The following SLC44A5 variants were observed in gnomAD, a reference collection of about 807,000 sequenced individuals.
The protein encoded by SLC44A5 is solute carrier family 44 member 5, also known as choline transporter-like protein 5.
A neutral mutation model predicts 101.8 loss-of-function variants in SLC44A5; 57 were observed. That is an observed-to-expected ratio of 0.56 (90% CI 0.45 to 0.70). The LOEUF (loss-of-function observed/expected upper bound fraction) is 0.70. Ranked by LOEUF, SLC44A5 falls within the 30% of genes least tolerant of loss-of-function variation. SLC44A5 has a pLI of 0.00. For synonymous variants in SLC44A5, 281 were observed against 290.9 expected (o/e 0.97, Z 0.35); for missense variants, 737 against 853.1 (o/e 0.86, Z 1.70).
chr1:75,225,005 T>C (rs1227863536), intron 13 of SLC44A5, among the ~76,000 whole-genome samples: 1 of 152,226 alleles, frequency 6.6e-6, no homozygotes, highest in Non-Finnish European at 1.5e-5. Flanking sequence ...GTAGCCTACA[T>C]GTACAGTGCT....
At chr1:75,291,604 G>A (rs528538419) in intron 5 of SLC44A5, among the ~76,000 whole-genome samples, 2 of 152,210 alleles carry the variant, frequency 1.3e-5, no homozygotes, top group African/African-American at 2.4e-5. Context: ...CCTCAAAAAC[G>A]AATAGAGGCC....
At chr1:75,618,122 C>A in the SLC44A5 span, among the ~76,000 whole-genome samples, 1 of 152,338 alleles carries the variant, frequency 6.6e-6, no homozygotes, top group South Asian at 2.1e-4. Flanking sequence ...TGCTTCAGAC[C>A]AGGAATGGTT....
chr1:75,215,658 C>A, intron 19 of SLC44A5, 96 bp downstream of exon 19: 1 of 682,450 alleles, frequency 1.5e-6, no homozygotes, highest in Non-Finnish European at 2.6e-6. Flanking sequence ...ATAAATTCAA[C>A]TGCATGAAGT....
At chr1:75,373,383 A>G (rs929491779) in intron 3 of SLC44A5, among the ~76,000 whole-genome samples, 12 of 152,048 alleles carry the variant, frequency 7.9e-5, no homozygotes, top group Admixed American at 7.2e-4. Context: ...CCACACCCCA[A>G]ATACAACCCT....
intron 3 of SLC44A5, among the ~76,000 whole-genome samples, chr1:75,344,766 T>C (rs895121264): frequency 1.3e-5 from 2 of 152,150 alleles, no homozygotes; most frequent in African/African-American, 2.4e-5. Context: ...CTCATTGAGA[T>C]GTATTTTGGA....
chr1:75,538,136 A>G (rs1167248311), intron 2 of SLC44A5: 2 of 152,358 alleles, frequency 1.3e-5, no homozygotes, highest in East Asian at 3.9e-4. Context: ...GAGACCAACC[A>G]CAGAAGTAGA....
chr1:75,252,964 G>A (rs957481145), intron 6 of SLC44A5, among the ~76,000 whole-genome samples: 1 of 152,104 alleles, frequency 6.6e-6, no homozygotes, highest in African/African-American at 2.4e-5. Flanking sequence ...ATTCAGTGAG[G>A]ACTCCCCCAG....
chr1:75,644,639 T>C, the SLC44A5 span, among the ~76,000 whole-genome samples: 17 of 91,886 alleles, frequency 1.9e-4, no homozygotes, highest in African/African-American at 4.7e-4. Flanking sequence ...TTTATATATA[T>C]ATATTTTTTT....
chr1:75,606,767 C>T (rs147061181), intron 1 of SLC44A5, among the ~76,000 whole-genome samples: 1 of 152,000 alleles, frequency 6.6e-6, no homozygotes, highest in Non-Finnish European at 1.5e-5. Context: ...CCTGATCTTA[C>T]CTGACCTATG....
chr1:75,458,674 G>A (rs1226838214), intron 2 of SLC44A5, among the ~76,000 whole-genome samples: 1 of 152,060 alleles, frequency 6.6e-6, no homozygotes, highest in Non-Finnish European at 1.5e-5. Context: ...AGGAATCAAG[G>A]ATACTATCTA....
chr1:75,662,521 CA>C, the SLC44A5 span, among the ~76,000 whole-genome samples: 103 of 151,976 alleles, frequency 6.8e-4, no homozygotes, highest in African/African-American at 2.3e-3. Context: ...GGAATGCTCC[CA>C]ACACAAAGAA....
intron 2 of SLC44A5, among the ~76,000 whole-genome samples, chr1:75,417,642 TC>T (rs1663741123): frequency 6.6e-6 from 1 of 152,224 alleles, no homozygotes; most frequent in African/African-American, 2.4e-5. Context: ...GATGAAAGTG[TC>T]CTGTGTCATG....
the SLC44A5 span, among the ~76,000 whole-genome samples, chr1:75,665,348 T>C: frequency 6.6e-6 from 1 of 152,058 alleles, no homozygotes; most frequent in Non-Finnish European, 1.5e-5. Context: ...AAATAAGCAG[T>C]AGGGAAAGAA....
At chr1:75,302,098 G>T (rs1654494550) in intron 4 of SLC44A5, among the ~76,000 whole-genome samples, 1 of 100,358 alleles carries the variant, frequency 1.0e-5, no homozygotes, top group Non-Finnish European at 1.9e-5. Context: ...GAAAGCAGGT[G>T]CTCTAGTTTT....
intron 2 of SLC44A5, among the ~76,000 whole-genome samples, chr1:75,506,907 CTTTTTTTTT>C (rs61554987): frequency 1.5e-5 from 1 of 68,748 alleles, no homozygotes; most frequent in African/African-American, 6.0e-5. Context: ...TATTCCTATT[CTTTTTTTTT>C]TTTTTTTTTT....
chr1:75,600,287 A>T (rs1170483750), intron 1 of SLC44A5, among the ~76,000 whole-genome samples: 1 of 152,192 alleles, frequency 6.6e-6, no homozygotes, highest in Non-Finnish European at 1.5e-5. Context: ...AACCATGAAA[A>T]TTATATATGA....
At chr1:75,499,599 A>G (rs1195093258) in intron 2 of SLC44A5, among the ~76,000 whole-genome samples, 1 of 152,264 alleles carries the variant, frequency 6.6e-6, no homozygotes, top group Non-Finnish European at 1.5e-5. Flanking sequence ...TAAACAATGC[A>G]TAACTGTATT....
At chr1:75,487,482 T>C (rs920730303) in intron 2 of SLC44A5, among the ~76,000 whole-genome samples, 1 of 152,162 alleles carries the variant, frequency 6.6e-6, no homozygotes, top group African/African-American at 2.4e-5. Flanking sequence ...ACATACTGCA[T>C]AGAAAATGTC....
At chr1:75,214,374 A>G (rs1407305982) in intron 20 of SLC44A5, among the ~76,000 whole-genome samples, 1 of 152,140 alleles carries the variant, frequency 6.6e-6, no homozygotes, top group East Asian at 1.9e-4. Flanking sequence ...AGGGGATAAT[A>G]AAAATGAAAA....
Sources: gnomAD v4.1 joint callset for allele counts (sites outside exome capture counted in the v4.1 genomes callset) on GRCh38, gnomAD v4.1.1 for gene constraint, MANE v1.5 for transcripts, NCBI Gene and HGNC (gene_info 2026-07-23, HGNC 2026-07-21) for gene names.